MALRD1: variants seen among roughly 807,000 people sequenced by gnomAD.
MALRD1 encodes MAM and LDL receptor class A domain containing 1.
Under a neutral mutation model 242.1 loss-of-function variants are expected in MALRD1, and 247 were observed. The observed-to-expected ratio is 1.02, with a 90% CI of 0.92 to 1.13. The LOEUF is 1.13. Among genes scored for constraint, MALRD1 ranks in the 50% most tolerant of loss-of-function variants. The pLI is 0.00. For missense variants in MALRD1, 2,989 were observed against 2,533.1 expected, an observed-to-expected ratio of 1.18 and a Z score of -3.86; for synonymous variants, 995 against 866.6, an observed-to-expected ratio of 1.15 and a Z score of -2.60.
At chr10:19,277,417 G>T (rs1378729037) in intron 19 of MALRD1, among the ~76,000 whole-genome samples, 1 of 152,042 alleles carries the variant, frequency 6.6e-6, no homozygotes, top group Non-Finnish European at 1.5e-5. Flanking sequence ...TAATATTCCT[G>T]GTCTCTCTTC....
chr10:19,387,892 A>G, intron 27 of MALRD1, 119 bp downstream of exon 27: 1 of 1,280,212 alleles, frequency 7.8e-7, no homozygotes, highest in South Asian at 1.6e-5. Flanking sequence ...TTGCAAGGCG[A>G]TCAAACATTT....
chr10:19,360,604 A>G (rs574122375), intron 26 of MALRD1, among the ~76,000 whole-genome samples: 1 of 152,228 alleles, frequency 6.6e-6, no homozygotes, highest in South Asian at 2.1e-4. Context: ...GAAATTGTAT[A>G]CAATTCTGTA....
chr10:19,719,986 A>G (rs1381916342), intron 38 of MALRD1, among the ~76,000 whole-genome samples: 1 of 152,188 alleles, frequency 6.6e-6, no homozygotes, highest in African/African-American at 2.4e-5. Context: ...CTCAATGAGA[A>G]TAGGTTGACT....
rs143654453 is a variant in MALRD1 at position 19,634,795 on chromosome 10, A to G, written c.6137+18872A>G. 9.3e-3 allele frequency among the ~76,000 whole-genome samples: 1,410 copies of G among 152,240 alleles called. 19 individuals are homozygous for G. The highest frequency in any genetic ancestry group is 0.032 in the African/African-American group (1,323 of 41,544). Reference sequence around the variant, plus strand: ...CTATAAAAACTTAGCAAGAAGAGTTAGATGCCACAGACCTATTTGAAAAAC... The same window carrying G: ...CTATAAAAACTTAGCAAGAAGAGTTGGATGCCACAGACCTATTTGAAAAAC... On this transcript the variant is annotated intron_variant, in intron 36 of 39. Coordinates refer to ENST00000454679, the MANE Select transcript of MALRD1 (RefSeq NM_001142308.3).
chr10:19,087,460 A>G (rs1835707387), intron 2 of MALRD1, among the ~76,000 whole-genome samples: 1 of 151,988 alleles, frequency 6.6e-6, no homozygotes. Context: ...AAAAATTATT[A>G]ATCTAGTGAG....
chr10:19,306,157 C>T (rs1424092341), intron 21 of MALRD1, among the ~76,000 whole-genome samples: 1 of 110,466 alleles, frequency 9.1e-6, no homozygotes, highest in African/African-American at 3.4e-5. Flanking sequence ...ACTATATATA[C>T]ACACATACTA....
At chr10:19,146,626 G>A (rs1280355618) in intron 11 of MALRD1, among the ~76,000 whole-genome samples, 1 of 152,148 alleles carries the variant, frequency 6.6e-6, no homozygotes, top group Admixed American at 6.5e-5. Flanking sequence ...AAGTTGCCCA[G>A]AATCAAGTAC....
chr10:19,395,702 GACA>G (rs1438613412), intron 28 of MALRD1, among the ~76,000 whole-genome samples: 1 of 152,112 alleles, frequency 6.6e-6, no homozygotes, highest in African/African-American at 2.4e-5. Context: ...AGTTAGTTGC[GACA>G]ACATCACAAT....
chr10:19,521,333 C>G (rs1833873769), intron 31 of MALRD1, among the ~76,000 whole-genome samples: 2 of 152,036 alleles, frequency 1.3e-5, no homozygotes, highest in South Asian at 2.1e-4. Flanking sequence ...TAAACTGTCA[C>G]TCTGTCACCA....
intron 21 of MALRD1, among the ~76,000 whole-genome samples, chr10:19,322,183 C>A (rs1300507315): frequency 6.6e-6 from 1 of 151,978 alleles, no homozygotes; most frequent in Non-Finnish European, 1.5e-5. Context: ...TATGTGCATG[C>A]AGTTTTTTCT....
intron 21 of MALRD1, among the ~76,000 whole-genome samples, chr10:19,301,734 C>T (rs1032868680): frequency 2.0e-5 from 3 of 151,518 alleles, no homozygotes; most frequent in Non-Finnish European, 3.0e-5. Context: ...GGGAGGAGGG[C>T]GAGGATTGAA....
intron 18 of MALRD1, among the ~76,000 whole-genome samples, chr10:19,222,639 T>G (rs1353751763): frequency 2.6e-5 from 4 of 152,196 alleles, no homozygotes; most frequent in Non-Finnish European, 5.9e-5. Context: ...AGCAGGAGTT[T>G]ATTTCTCTCT....
At chr10:19,084,836 C>A (rs1835613335) in intron 2 of MALRD1, among the ~76,000 whole-genome samples, 1 of 151,904 alleles carries the variant, frequency 6.6e-6, no homozygotes. Context: ...ACATTTAAGA[C>A]TATAAATGAA....
chr10:19,540,122 C>T (rs1428454913), intron 32 of MALRD1, among the ~76,000 whole-genome samples: 1 of 151,836 alleles, frequency 6.6e-6, no homozygotes. Context: ...CCCTTCTGGT[C>T]GATTTTGTAA....
At chr10:19,728,526 G>A (rs1043507465) in intron 38 of MALRD1, 5 of 152,018 alleles carry the variant, frequency 3.3e-5, no homozygotes, top group African/African-American at 4.8e-5. Flanking sequence ...TGCAACTGAC[G>A]GCCAAGCTGG....
intron 38 of MALRD1, among the ~76,000 whole-genome samples, chr10:19,713,936 C>T (rs1222347507): frequency 6.6e-6 from 1 of 152,124 alleles, no homozygotes; most frequent in Non-Finnish European, 1.5e-5. Flanking sequence ...GTGGGGCTTG[C>T]TCCGTCGATG....
chr10:19,242,566 T>G (rs1465529067), intron 18 of MALRD1, among the ~76,000 whole-genome samples: 1 of 152,182 alleles, frequency 6.6e-6, no homozygotes, highest in African/African-American at 2.4e-5. Flanking sequence ...TACCTTTAAA[T>G]CTAATATTTG....
chr10:19,555,405 A>T (rs544811411), intron 32 of MALRD1, among the ~76,000 whole-genome samples: 25 of 152,268 alleles, frequency 1.6e-4, no homozygotes, highest in African/African-American at 6.0e-4. Context: ...TGGAGGTCAG[A>T]GTGGGCCTCA....
chr10:19,332,673 A>G (rs996372630), intron 24 of MALRD1, among the ~76,000 whole-genome samples: 2 of 152,198 alleles, frequency 1.3e-5, no homozygotes, highest in Non-Finnish European at 2.9e-5. Flanking sequence ...ACTTCAGTAT[A>G]TAGAGCTTAC....
Sources: gnomAD v4.1 joint callset for allele counts (sites outside exome capture counted in the v4.1 genomes callset) on GRCh38, gnomAD v4.1.1 for gene constraint, MANE v1.5 for transcripts, NCBI Gene and HGNC (gene_info 2026-07-23, HGNC 2026-07-21) for gene names.